Variants in UQCC1 observed in about 807,000 individuals in gnomAD.
UQCC1 encodes the protein bFGF-repressed Zic-binding protein.
UQCC1 carries 38 observed loss-of-function variants against 48.0 expected under a neutral mutation model. The ratio of observed to expected loss-of-function variants is 0.79; its 90% CI spans 0.61 to 1.04. The LOEUF (loss-of-function observed/expected upper bound fraction) is 1.04, where lower values mean the gene tolerates loss of function less well. Among genes scored for constraint, UQCC1 ranks in the 50% least tolerant of loss-of-function variants. The pLI is 0.00. For missense variants in UQCC1, 368 were observed against 381.8 expected, an observed-to-expected ratio of 0.96 and a Z score of 0.30; for synonymous variants, 111 against 129.2, an observed-to-expected ratio of 0.86 and a Z score of 0.95.
intron 7 of UQCC1, among the ~76,000 whole-genome samples, chr20:35,322,471 C>T (rs2061142244): frequency 6.6e-6 from 1 of 152,192 alleles, no homozygotes; most frequent in African/African-American, 2.4e-5. Flanking sequence ...CGGTGGCTCA[C>T]GCCTGTAATC....
chr20:35,319,839 T>C (rs1209947433), intron 7 of UQCC1, among the ~76,000 whole-genome samples: 3 of 152,214 alleles, frequency 2.0e-5, no homozygotes, highest in Non-Finnish European at 4.4e-5. Context: ...TTCGCTGCTC[T>C]CTTTCCCCTT....
At chr20:35,315,266 G>C (rs1481460058) in intron 7 of UQCC1, 1 of 156,402 alleles carries the variant, frequency 6.4e-6, no homozygotes, top group Non-Finnish European at 1.4e-5. Flanking sequence ...GAGTGAGGGG[G>C]AGGAGGGAGA....
chr20:35,310,668 A>AAT (rs2060980934), intron 8 of UQCC1, among the ~76,000 whole-genome samples: 1 of 140,822 alleles, frequency 7.1e-6, no homozygotes, highest in African/African-American at 2.7e-5. Context: ...AAAAAAAAAA[A>AAT]TTGGGAAGAT....
At chr20:35,399,440 C>T (rs1031874760) in intron 1 of UQCC1, among the ~76,000 whole-genome samples, 1 of 152,198 alleles carries the variant, frequency 6.6e-6, no homozygotes, top group Non-Finnish European at 1.5e-5. Flanking sequence ...AGTTTCAACA[C>T]CTGACTCAGA....
chr20:35,403,131 G>A (rs1320049994), intron 1 of UQCC1, among the ~76,000 whole-genome samples: 1 of 151,638 alleles, frequency 6.6e-6, no homozygotes, highest in African/African-American at 2.4e-5. Context: ...TTTTCAATCT[G>A]AGCTTTCAAA....
At chr20:35,335,752 C>T (rs1352642525) in intron 7 of UQCC1, among the ~76,000 whole-genome samples, 1 of 152,128 alleles carries the variant, frequency 6.6e-6, no homozygotes, top group Non-Finnish European at 1.5e-5. Flanking sequence ...GTGATGGGTA[C>T]ATAATGCTGC....
intron 5 of UQCC1, among the ~76,000 whole-genome samples, chr20:35,373,902 C>T (rs1238968366): frequency 6.6e-6 from 1 of 152,066 alleles, no homozygotes; most frequent in Non-Finnish European, 1.5e-5. Context: ...GGGTACAGTG[C>T]CATGTGCTTT....
chr20:35,380,943 A>C (rs2061858818), intron 4 of UQCC1, among the ~76,000 whole-genome samples: 1 of 151,882 alleles, frequency 6.6e-6, no homozygotes, highest in African/African-American at 2.4e-5. Flanking sequence ...ATGTCTAAAA[A>C]CTCCAAACGT....
intron 6 of UQCC1, among the ~76,000 whole-genome samples, chr20:35,350,792 A>G (rs980113741): frequency 2.0e-5 from 3 of 148,632 alleles, no homozygotes; most frequent in African/African-American, 5.0e-5. Context: ...TGTAATTCCA[A>G]CACTTTGGGA....
intron 7 of UQCC1, among the ~76,000 whole-genome samples, chr20:35,329,506 C>T (rs570647089): frequency 6.6e-6 from 1 of 152,242 alleles, no homozygotes; most frequent in East Asian, 1.9e-4. Context: ...CTAGCTGGGC[C>T]CCTTCAGCTC....
chr20:35,325,167 A>C (rs2061178464), intron 7 of UQCC1, among the ~76,000 whole-genome samples: 1 of 152,256 alleles, frequency 6.6e-6, no homozygotes, highest in Non-Finnish European at 1.5e-5. Flanking sequence ...AAAGAAGAAT[A>C]GTCTACCTGG....
At chr20:35,337,334 G>C (rs529356004) in intron 7 of UQCC1, among the ~76,000 whole-genome samples, 1 of 152,100 alleles carries the variant, frequency 6.6e-6, no homozygotes, top group African/African-American at 2.4e-5. Context: ...GACTACAGGT[G>C]CATGCCATCA....
intron 7 of UQCC1, among the ~76,000 whole-genome samples, chr20:35,318,508 G>T (rs1001671938): frequency 2.2e-4 from 34 of 152,324 alleles, no homozygotes; most frequent in Non-Finnish European, 4.6e-4. Flanking sequence ...CAGGAAAAAC[G>T]GAGTGCAAGA....
intron 5 of UQCC1, 105 bp from the exon 6 acceptor site, chr20:35,366,719 G>A: frequency 1.0e-6 from 1 of 964,240 alleles, no homozygotes; most frequent in South Asian, 1.5e-5. Context: ...CTCTGATTAT[G>A]CTATTGCAGA....
chr20:35,392,959 C>T (rs978714665), intron 2 of UQCC1, among the ~76,000 whole-genome samples: 8 of 151,818 alleles, frequency 5.3e-5, no homozygotes, highest in African/African-American at 1.7e-4. Flanking sequence ...CATAAGCATA[C>T]AATTTTCACA....
chr20:35,392,357 A>G (rs900644744), intron 2 of UQCC1: 15 of 1,161,670 alleles, frequency 1.3e-5, no homozygotes, highest in East Asian at 5.8e-5. Context: ...CTAAAATTAC[A>G]TCTGGTCAGC....
chr20:35,409,446 C>T (rs575799340), intron 1 of UQCC1: 119 of 170,662 alleles, frequency 7.0e-4, no homozygotes, highest in African/African-American at 2.6e-3. Flanking sequence ...CTCCAGCTTG[C>T]GCAACAAGAG....
intron 7 of UQCC1, among the ~76,000 whole-genome samples, chr20:35,321,474 G>A (rs79300525): frequency 0.012 from 1,767 of 152,268 alleles, 38 homozygotes; most frequent in African/African-American, 0.039. Context: ...AACCCAGCAT[G>A]AGGAGGTCCA....
In UQCC1 at chr20:35,350,911, A is replaced by G. The variant is rs549538458; in HGVS notation, c.465-3639T>C. Among the ~76,000 whole-genome samples the G allele has an allele frequency of 2.0e-5, 3 of 151,850 alleles. No homozygotes were observed. In the South Asian group the frequency reaches 6.3e-4, roughly 32 times the overall value. On this transcript the variant is annotated intron_variant, in intron 6 of 9. Transcript: ENST00000374385. ...CAAAAAATTAACCGGGCGTGGTGGT[A>G]CAAACCTGTAGTCCCAGCTACTTGG...
Sources: allele counts gnomAD v4.1 joint callset (sites outside exome capture counted in the v4.1 genomes callset), GRCh38; gene constraint gnomAD v4.1.1; transcripts MANE v1.5; gene names NCBI Gene and HGNC (gene_info 2026-07-23, HGNC 2026-07-21).